The following LUC7L2 variants were observed in gnomAD, a reference collection of about 807,000 sequenced individuals.
LUC7L2 encodes LUC7 like 2, pre-mRNA splicing factor.
A neutral mutation model predicts 52.8 loss-of-function variants in LUC7L2; 25 were observed. That is an observed-to-expected ratio of 0.47 (90% CI 0.34 to 0.66). LUC7L2 has a LOEUF of 0.66. LUC7L2 is among the 30% of genes least tolerant of loss of function. The pLI is 0.01. For synonymous variants in LUC7L2, 144 were observed against 160.9 expected (o/e 0.89, Z 0.80); for missense variants, 328 against 497.8 (o/e 0.66, Z 3.25).
At chr7:139,398,427 T>C (rs1794753875) in intron 2 of LUC7L2, among the ~76,000 whole-genome samples, 172 bp from the exon 3 acceptor site, 1 of 152,232 alleles carries the variant, frequency 6.6e-6, no homozygotes, top group Non-Finnish European at 1.5e-5. Context: ...GTGCCATTTT[T>C]TTCTTCTGAC....
At chr7:139,348,515 T>C (rs1799343235) in intron 1 of LUC7L2, among the ~76,000 whole-genome samples, 2 of 151,416 alleles carry the variant, frequency 1.3e-5, no homozygotes, top group South Asian at 4.2e-4. Flanking sequence ...GGTCGAGAGA[T>C]TGAGACCATC....
At chr7:139,348,997 C>G (rs1422055732) in intron 1 of LUC7L2, among the ~76,000 whole-genome samples, 1 of 146,068 alleles carries the variant, frequency 6.8e-6, no homozygotes, top group Non-Finnish European at 1.5e-5. Context: ...CCCGTTTGTA[C>G]TAAAAATGCA....
chr7:139,373,891 A>G (rs544323283), intron 1 of LUC7L2, among the ~76,000 whole-genome samples: 1 of 152,322 alleles, frequency 6.6e-6, no homozygotes, highest in South Asian at 2.1e-4. Flanking sequence ...AAGACTTATT[A>G]GATACATAAG....
chr7:139,410,906 T>C (rs1211848765), intron 7 of LUC7L2, among the ~76,000 whole-genome samples: 1 of 151,904 alleles, frequency 6.6e-6, no homozygotes, highest in Non-Finnish European at 1.5e-5. Flanking sequence ...TACATGTCTA[T>C]ATGGTCCCTT....
At chr7:139,373,616 C>T (rs1800566509) in intron 1 of LUC7L2, among the ~76,000 whole-genome samples, 1 of 151,650 alleles carries the variant, frequency 6.6e-6, no homozygotes, top group Non-Finnish European at 1.5e-5. Context: ...CACAAAAAAG[C>T]TCACCAGGGA....
intron 2 of LUC7L2, among the ~76,000 whole-genome samples, chr7:139,389,733 A>G (rs1794348773): frequency 6.6e-6 from 1 of 152,346 alleles, no homozygotes; most frequent in African/African-American, 2.4e-5. Flanking sequence ...AGTACCTATT[A>G]TGTGGTGGAC....
intron 1 of LUC7L2, among the ~76,000 whole-genome samples, chr7:139,360,814 G>A (rs1024329688): frequency 1.3e-5 from 2 of 152,098 alleles, no homozygotes; most frequent in Non-Finnish European, 2.9e-5. Context: ...CAGTCTCAGA[G>A]ATGCACCCTC....
intron 2 of LUC7L2, among the ~76,000 whole-genome samples, chr7:139,382,383 T>TATTG (rs1339914378): frequency 4.6e-5 from 7 of 151,040 alleles, no homozygotes; most frequent in Admixed American, 6.6e-5. Context: ...TCACAGTCTT[T>TATTG]ATTTATTTAT....
chr7:139,377,144 C>T lies in LUC7L2; in HGVS notation c.156+988C>T, dbSNP rs1296023984. 4.6e-5 allele frequency among the ~76,000 whole-genome samples: 7 copies of T among 152,258 alleles called. No homozygotes were observed. The South Asian group carries it at 1.2e-3, about 27-fold the overall frequency. Reference sequence around the variant, plus strand: ...CAAAGCAAGAAATCCAGTTTCTGAGCACAGGAATTTGGAAGGACTGTGACA... The same window carrying T: ...CAAAGCAAGAAATCCAGTTTCTGAGTACAGGAATTTGGAAGGACTGTGACA... On this transcript the variant is annotated intron_variant, in intron 2 of 9. Transcript: ENST00000354926.
intron 2 of LUC7L2, among the ~76,000 whole-genome samples, chr7:139,380,731 C>T (rs900277627): frequency 2.0e-5 from 3 of 152,124 alleles, no homozygotes; most frequent in African/African-American, 7.2e-5. Context: ...GCAGTATGCC[C>T]TTTCAGATTT....
At chr7:139,401,452 T>C (rs546068762) in intron 3 of LUC7L2, among the ~76,000 whole-genome samples, 3 of 152,310 alleles carry the variant, frequency 2.0e-5, no homozygotes, top group Admixed American at 6.5e-5. Flanking sequence ...CATTTCTTCA[T>C]GTCCTCAAGT....
chr7:139,352,948 AG>A (rs1212400838), intron 1 of LUC7L2, among the ~76,000 whole-genome samples: 3 of 152,228 alleles, frequency 2.0e-5, no homozygotes, highest in Non-Finnish European at 4.4e-5. Context: ...TTGCAATCCC[AG>A]CACTTTGGGA....
intron 3 of LUC7L2, 32 bp downstream of exon 3, chr7:139,398,729 A>C: frequency 6.3e-7 from 1 of 1,590,530 alleles, no homozygotes; most frequent in Non-Finnish European, 8.6e-7. Context: ...GTTTGTTGTT[A>C]TCTTTTGCTG....
chr7:139,376,236 C>A, intron 2 of LUC7L2, 80 bp downstream of exon 2: 3 of 1,419,558 alleles, frequency 2.1e-6, no homozygotes, highest in South Asian at 1.2e-5. Flanking sequence ...AATTCTGTGT[C>A]AAAAGAATTG....
chr7:139,376,323 C>G (rs10954646), intron 2 of LUC7L2, among the ~76,000 whole-genome samples, 167 bp downstream of exon 2: 42,081 of 152,092 alleles, frequency 0.28, 6,610 homozygotes, highest in African/African-American at 0.42. Context: ...AATGGGTTTC[C>G]TCACAAAAGT....
chr7:139,421,765 C>T (rs1280460095), intron 9 of LUC7L2, among the ~76,000 whole-genome samples: 1 of 152,172 alleles, frequency 6.6e-6, no homozygotes, highest in African/African-American at 2.4e-5. Flanking sequence ...ACCTGCAGTA[C>T]CCCAGATAGT....
intron 8 of LUC7L2, chr7:139,412,858 T>G (rs1402808529): frequency 9.8e-6 from 2 of 203,796 alleles, no homozygotes; most frequent in Non-Finnish European, 1.9e-5. Context: ...AGAAAATTTT[T>G]TTTGAAATCA....
Position 139,341,488 on chromosome 7 carries a change from A to G in LUC7L2, c.-26+971A>G, listed in dbSNP as rs762406780. ...CGACCCTATCGCGACACCGCGGCCT[A>G]TCGGTACCTTGTGAAGGCTTTCCGT... On this transcript the variant is annotated intron_variant, in intron 1 of 10. Transcript: ENST00000541170. The G allele has an allele frequency of 4.3e-6, 7 of 1,613,794 alleles. No individual in the cohort carries two copies. Among genetic ancestry groups the G allele is most frequent in the South Asian group, 1.1e-5 (1 of 91,080 alleles).
chr7:139,391,354 G>A (rs1794441154), intron 2 of LUC7L2, among the ~76,000 whole-genome samples: 1 of 152,136 alleles, frequency 6.6e-6, no homozygotes, highest in Non-Finnish European at 1.5e-5. Flanking sequence ...CTGAACAAAT[G>A]TTCAAACACA....
Sources: allele counts gnomAD v4.1 joint callset (sites outside exome capture counted in the v4.1 genomes callset), GRCh38; gene constraint gnomAD v4.1.1; transcripts MANE v1.5; gene names NCBI Gene and HGNC (gene_info 2026-07-23, HGNC 2026-07-21).